FSTL5: variants seen among roughly 807,000 people sequenced by gnomAD.
FSTL5 encodes follistatin-related protein 5.
FSTL5 carries 62 observed loss-of-function variants against 89.1 expected under a neutral mutation model. The ratio of observed to expected loss-of-function variants is 0.70; its 90% confidence interval spans 0.57 to 0.86. FSTL5 has a LOEUF of 0.86. Ranked by LOEUF, FSTL5 falls within the 40% of genes least tolerant of loss-of-function variation. FSTL5 has a pLI of 0.00. For missense variants in FSTL5, 1,057 were observed against 1,001.6 expected (o/e 1.06, Z -0.75); for synonymous variants, 383 against 346.2 (o/e 1.11, Z -1.18).
chr4:161,669,872 A>G (rs1002280701), intron 6 of FSTL5, among the ~76,000 whole-genome samples: 6 of 152,126 alleles, frequency 3.9e-5, no homozygotes, highest in African/African-American at 1.4e-4. Context: ...ATATTATTAC[A>G]TAGAAATTAA....
At chr4:162,068,781 G>T (rs372421094) in intron 2 of FSTL5, among the ~76,000 whole-genome samples, 1 of 151,960 alleles carries the variant, frequency 6.6e-6, no homozygotes, top group African/African-American at 2.4e-5. Context: ...GAAAATTTTT[G>T]CAATCTATCC....
At chr4:161,740,851 C>T (rs1449746578) in intron 6 of FSTL5, among the ~76,000 whole-genome samples, 1 of 152,136 alleles carries the variant, frequency 6.6e-6, no homozygotes, top group African/African-American at 2.4e-5. Context: ...ATTTATTTCC[C>T]AAAGCTCTGG....
At chr4:161,718,789 A>C (rs561540070) in intron 6 of FSTL5, among the ~76,000 whole-genome samples, 7 of 152,132 alleles carry the variant, frequency 4.6e-5, no homozygotes, top group Non-Finnish European at 8.8e-5. Flanking sequence ...TACTCTCTAT[A>C]TATATATCTA....
At chr4:161,428,885 C>A (rs747516467) in intron 15 of FSTL5, among the ~76,000 whole-genome samples, 7 of 151,994 alleles carry the variant, frequency 4.6e-5, no homozygotes, top group Non-Finnish European at 1.0e-4. Context: ...TGCTTGGGGA[C>A]CAGCTCCGCC....
intron 4 of FSTL5, among the ~76,000 whole-genome samples, chr4:161,806,897 CAGATAGATAGATACAT>C (rs1244135552): frequency 6.6e-6 from 1 of 151,610 alleles, no homozygotes; most frequent in Admixed American, 6.6e-5. Flanking sequence ...GATAAATAGA[CAGATAGATAGATACAT>C]AGATAGATAG....
intron 7 of FSTL5, among the ~76,000 whole-genome samples, chr4:161,644,258 G>GGCTCAA (rs376130539): frequency 1.4e-4 from 21 of 152,300 alleles, no homozygotes; most frequent in African/African-American, 4.8e-4. Context: ...TGGGTACGGT[G>GGCTCAA]GCTCAAGCCT....
chr4:161,615,444 CAAA>C (rs570217571), intron 7 of FSTL5, among the ~76,000 whole-genome samples: 179 of 87,396 alleles, frequency 2.0e-3, no homozygotes, highest in African/African-American at 5.9e-3. Context: ...GACTCCATCT[CAAA>C]AAAAAAAAAA....
chr4:161,971,773 C>A (rs1041847621), intron 3 of FSTL5, among the ~76,000 whole-genome samples: 2 of 152,056 alleles, frequency 1.3e-5, no homozygotes, highest in African/African-American at 2.4e-5. Context: ...TCCCCAAAAT[C>A]CAAACAAACA....
intron 4 of FSTL5, among the ~76,000 whole-genome samples, chr4:161,860,249 C>A (rs910555085): frequency 4.1e-4 from 62 of 152,172 alleles, no homozygotes; most frequent in African/African-American, 1.3e-3. Context: ...GATCGCGCCA[C>A]TGCACTCCAG....
intron 1 of FSTL5, among the ~76,000 whole-genome samples, chr4:162,118,578 C>G (rs1731740127): frequency 6.6e-6 from 1 of 152,270 alleles, no homozygotes; most frequent in South Asian, 2.1e-4. Flanking sequence ...AATGGATTCC[C>G]TCTTTCAGAG....
At chr4:161,829,139 T>TTTTATATA (rs1553969140) in intron 4 of FSTL5, among the ~76,000 whole-genome samples, 5 of 139,934 alleles carry the variant, frequency 3.6e-5, no homozygotes, top group Admixed American at 1.5e-4. Flanking sequence ...CAGTCACATT[T>TTTTATATA]TATATATATA....
chr4:162,146,180 TTGAA>T (rs1732978968), intron 1 of FSTL5, among the ~76,000 whole-genome samples: 1 of 152,150 alleles, frequency 6.6e-6, no homozygotes, highest in African/African-American at 2.4e-5. Context: ...TTTCTAACAC[TTGAA>T]TGGAGATATC....
intron 4 of FSTL5, among the ~76,000 whole-genome samples, chr4:161,840,414 T>C: frequency 6.6e-6 from 1 of 152,318 alleles, no homozygotes; most frequent in Admixed American, 6.5e-5. Flanking sequence ...ACCGTTATAC[T>C]CTGTTTAGAG....
At chr4:162,059,584 C>T (rs549252549) in intron 2 of FSTL5, among the ~76,000 whole-genome samples, 2 of 152,272 alleles carry the variant, frequency 1.3e-5, no homozygotes, top group Non-Finnish European at 2.9e-5. Context: ...CATTTCACTT[C>T]ATTCCTTTCA....
intron 6 of FSTL5, among the ~76,000 whole-genome samples, chr4:161,702,571 T>A (rs901253800): frequency 6.6e-6 from 1 of 152,164 alleles, no homozygotes; most frequent in African/African-American, 2.4e-5. Flanking sequence ...ATCATTGTGA[T>A]AATAACAGAT....
intron 6 of FSTL5, among the ~76,000 whole-genome samples, chr4:161,693,077 T>C (rs1738003184): frequency 6.6e-6 from 1 of 152,156 alleles, no homozygotes; most frequent in Admixed American, 6.5e-5. Flanking sequence ...AATTTTTGTT[T>C]ATTTGTTTAT....
At chr4:161,853,836 A>G (rs1731637208) in intron 4 of FSTL5, among the ~76,000 whole-genome samples, 2 of 152,096 alleles carry the variant, frequency 1.3e-5, no homozygotes, top group African/African-American at 4.8e-5. Flanking sequence ...GACTGGGGGG[A>G]CATTAGCATT....
chr4:161,665,075 C>G (rs1736839660), intron 6 of FSTL5, among the ~76,000 whole-genome samples: 1 of 152,118 alleles, frequency 6.6e-6, no homozygotes, highest in Non-Finnish European at 1.5e-5. Flanking sequence ...TGGGTGCAGA[C>G]CCAGCTAAAC....
At position 161,537,537 on chromosome 4, in the gene FSTL5, C is replaced by T. The variant is rs1161377742; in HGVS notation, c.1312+629G>A. ...CTCAGCATCCCCACCCTATCTCTAC[C>T]CCTTTTGCCAAGTAATTAAACAAAA... is the stretch of plus-strand genomic sequence containing the variant. On this transcript the variant is annotated intron_variant, in intron 10 of 15. Transcript: ENST00000306100. 3.3e-5 allele frequency among the ~76,000 whole-genome samples: 5 copies of T among 152,298 alleles called. No individual in the cohort carries two copies. The South Asian group carries it at 6.2e-4, about 19-fold the overall frequency.
Sources: gnomAD v4.1 joint callset for allele counts (sites outside exome capture counted in the v4.1 genomes callset) on GRCh38, gnomAD v4.1.1 for gene constraint, MANE v1.5 for transcripts, NCBI Gene and HGNC (gene_info 2026-07-23, HGNC 2026-07-21) for gene names.